Variants in DIP2A observed in about 807,000 individuals in gnomAD.
DIP2A encodes the protein DIP2 acetate--CoA ligase A.
A neutral mutation model predicts 177.4 loss-of-function variants in DIP2A; 85 were observed. The observed-to-expected ratio is 0.48, with a 90% CI of 0.40 to 0.57. The LOEUF is 0.57. Ranked by LOEUF, DIP2A falls within the 20% of genes least tolerant of loss-of-function variation. DIP2A has a pLI of 0.00. For missense variants in DIP2A, 1,791 were observed against 2,100.2 expected, an observed-to-expected ratio of 0.85 and a Z score of 2.88; for synonymous variants, 886 against 881.8, an observed-to-expected ratio of 1.00 and a Z score of -0.08.
chr21:46,459,445 C>T (rs2054084065), intron 1 of DIP2A, among the ~76,000 whole-genome samples: 1 of 150,582 alleles, frequency 6.6e-6, no homozygotes, highest in African/African-American at 2.4e-5. Flanking sequence ...GTTCCTCAAC[C>T]CTAGGACCCC....
chr21:46,509,928 G>C (rs2058223695), intron 7 of DIP2A, among the ~76,000 whole-genome samples: 1 of 152,242 alleles, frequency 6.6e-6, no homozygotes, highest in South Asian at 2.1e-4. Flanking sequence ...GCTGACAGCC[G>C]ACCAGCCCAG....
chr21:46,460,119 T>C (rs951139462), intron 1 of DIP2A, among the ~76,000 whole-genome samples: 2 of 152,212 alleles, frequency 1.3e-5, no homozygotes, highest in African/African-American at 4.8e-5. Context: ...TGGATTGTTA[T>C]GAGGCTAAAA....
At chr21:46,489,398 G>C (rs572211655) in intron 2 of DIP2A, among the ~76,000 whole-genome samples, 2 of 152,210 alleles carry the variant, frequency 1.3e-5, no homozygotes, top group East Asian at 3.9e-4. Context: ...AGCTGTGGCT[G>C]TTGGGGTGGG....
intron 1 of DIP2A, 96 bp downstream of exon 1, chr21:46,459,318 C>G: frequency 9.5e-7 from 1 of 1,055,950 alleles, no homozygotes; most frequent in Non-Finnish European, 1.3e-6. Context: ...CCCCTCACTC[C>G]AGGACCCCCG....
chr21:46,561,029 A>G (rs570395749), intron 33 of DIP2A: 38 of 984,784 alleles, frequency 3.9e-5, no homozygotes, highest in Non-Finnish European at 4.5e-5. Flanking sequence ...CTCAGTGTCT[A>G]TCTCTGTGCG....
chr21:46,582,984 G>A, the DIP2A span, among the ~76,000 whole-genome samples: 1 of 151,920 alleles, frequency 6.6e-6, no homozygotes, highest in East Asian at 1.9e-4. Context: ...CAAAAAATAA[G>A]ACCCAACTAT....
rs2060909206 is a variant in DIP2A, at chr21:46,569,057, G to A, written c.*1435G>A. On this transcript the variant is annotated 3_prime_UTR_variant, in exon 38 of 38. Coordinates refer to ENST00000417564, the MANE Select transcript of DIP2A (RefSeq NM_015151.4). ...GTTACTTCTAAGAATTTGAAGTCAA[G>A]CACGAATCTAAGACATAGATTATTT... The A allele has an allele frequency of 6.6e-6, 1 of 152,200 alleles. No individual in the cohort carries two copies. Among genetic ancestry groups the A allele is most frequent in the Admixed American group, 6.5e-5 (1 of 15,282 alleles). 9.4% of individuals were successfully genotyped at this position (152,200 alleles called of 1,614,324 possible).
chr21:46,460,810 C>CA (rs2054226935), intron 1 of DIP2A, among the ~76,000 whole-genome samples: 1 of 151,980 alleles, frequency 6.6e-6, no homozygotes, highest in Non-Finnish European at 1.5e-5. Flanking sequence ...TCTTCTGCCT[C>CA]AGCCTCCCGA....
At chr21:46,554,472 C>A (rs900944052) in intron 26 of DIP2A, 103 bp from the exon 27 acceptor site, 4 of 1,546,074 alleles carry the variant, frequency 2.6e-6, no homozygotes, top group South Asian at 1.2e-5. Context: ...TCACCCATGC[C>A]CCCCCAGCAC....
the DIP2A span, among the ~76,000 whole-genome samples, chr21:46,583,699 CAGG>C: frequency 8.5e-4 from 129 of 152,272 alleles, no homozygotes; most frequent in Non-Finnish European, 1.6e-3. Context: ...TTCATTATCA[CAGG>C]AGGAGTACTG....
intron 3 of DIP2A, 49 bp downstream of exon 3, chr21:46,490,768 T>A: frequency 6.7e-7 from 1 of 1,497,176 alleles, no homozygotes; most frequent in Non-Finnish European, 8.9e-7. Flanking sequence ...CCTGGAGCCC[T>A]TGGACTCTTG....
At chr21:46,484,643 A>G in intron 1 of DIP2A, 114 bp from the exon 2 acceptor site, 1 of 870,748 alleles carries the variant, frequency 1.1e-6, no homozygotes, top group Non-Finnish European at 1.7e-6. Flanking sequence ...ATTTGTCCAG[A>G]CACTTCATGG....
chr21:46,536,463 T>TA (rs2059574619), intron 13 of DIP2A, among the ~76,000 whole-genome samples: 1 of 152,214 alleles, frequency 6.6e-6, no homozygotes, highest in Admixed American at 6.5e-5. Flanking sequence ...CACCAGCTCT[T>TA]ACAGAGGGGA....
intron 2 of DIP2A, 76 bp from the exon 3 acceptor site, chr21:46,490,524 C>A: frequency 6.8e-7 from 1 of 1,463,720 alleles, no homozygotes; most frequent in Non-Finnish European, 9.2e-7. Flanking sequence ...GAAATGTAAG[C>A]TGTTTTCAAT....
intron 1 of DIP2A, among the ~76,000 whole-genome samples, chr21:46,477,753 G>GTT (rs199904128): frequency 2.9e-5 from 4 of 138,902 alleles, no homozygotes; most frequent in Admixed American, 7.1e-5. Context: ...TTTTTGTTTT[G>GTT]TTTTTTTTTT....
At position 46,555,930 on chromosome 21, in the gene DIP2A, G is replaced by A. The variant is rs1377397366; in HGVS notation, c.3389-52G>A. ...CCTCTTGCCTGTGAAAGCCCAGAGC[G>A]TTCAGAATACATGTGGGAACACTAA... On this transcript the variant is annotated intron_variant, in intron 28 of 37. Transcript: ENST00000417564. The A allele has an allele frequency of 2.3e-5, 31 of 1,375,792 alleles. 1 individual carries two copies. The highest frequency in any genetic ancestry group is 9.3e-5 in the South Asian group (8 of 86,336). The allele number at this position is 1,375,792 out of a possible 1,614,324, so 85.2% of individuals were successfully genotyped here. A position where few individuals can be genotyped will look rare whatever the true frequency, so the allele number is the denominator to read the frequency against.
At position 46,565,891 on chromosome 21, in the gene DIP2A, AG is replaced by A; in HGVS notation, c.4339+8del. 1 of 1,613,618 alleles carries A rather than the reference AG, an allele frequency of 6.2e-7. No individual in the cohort carries two copies. The highest frequency in any genetic ancestry group is 1.3e-5 in the African/African-American group (1 of 74,992). ...GAGCTCACTGATGCCAGTGGAGGTGAGGGGTTGTGGTGAAGCCCTGCGTGAG... is the reference window on the plus strand; with the variant it reads ...GAGCTCACTGATGCCAGTGGAGGTGAGGGTTGTGGTGAAGCCCTGCGTGAG... On this transcript the variant is annotated splice_donor_5th_base_variant and intron_variant, in intron 36 of 37. Coordinates refer to ENST00000417564, the MANE Select transcript of DIP2A (RefSeq NM_015151.4).
At chr21:46,576,913 C>T in the DIP2A span, among the ~76,000 whole-genome samples, 1 of 152,024 alleles carries the variant, frequency 6.6e-6, no homozygotes, top group Non-Finnish European at 1.5e-5. Flanking sequence ...ATTTGTTGGC[C>T]GCATGAATGT....
At chr21:46,506,724 T>TTTCTTTCTTTCTTTCTTTCTTTC (rs149327676) in intron 6 of DIP2A, among the ~76,000 whole-genome samples, 5 of 78,884 alleles carry the variant, frequency 6.3e-5, no homozygotes, top group East Asian at 8.8e-4. Flanking sequence ...TTGTGCTTGT[T>TTTCTTTCTTTCTTTCTTTCTTTC]TTTCTTTCTT....
Sources: allele counts gnomAD v4.1 joint callset (sites outside exome capture counted in the v4.1 genomes callset), GRCh38; gene constraint gnomAD v4.1.1; transcripts MANE v1.5; gene names NCBI Gene and HGNC (gene_info 2026-07-23, HGNC 2026-07-21).